The following MAGI1 variants were observed in gnomAD, a reference collection of about 807,000 sequenced individuals.
MAGI1 encodes membrane associated guanylate kinase, WW and PDZ domain containing 1, also known as membrane-associated guanylate kinase, WW and PDZ domain-containing protein 1.
In MAGI1, 58 loss-of-function variants were observed where a neutral mutation model predicts 139.9. That is an observed-to-expected ratio of 0.41 (90% CI 0.34 to 0.52). The LOEUF is 0.52. MAGI1 is among the 20% of genes least tolerant of loss of function. The pLI is 0.12. For synonymous variants in MAGI1, 812 were observed against 737.9 expected (o/e 1.10, Z -1.63); for missense variants, 1,874 against 1,901.6 (o/e 0.99, Z 0.27).
chr3:65,721,843 T>TG (rs1352213355), intron 1 of MAGI1, among the ~76,000 whole-genome samples: 1 of 152,008 alleles, frequency 6.6e-6, no homozygotes, highest in African/African-American at 2.4e-5. Context: ...TTTTTTGTTT[T>TG]TTTTTTCAAG....
intron 2 of MAGI1, among the ~76,000 whole-genome samples, chr3:65,569,801 G>C (rs930632096): frequency 2.0e-5 from 3 of 151,742 alleles, no homozygotes; most frequent in Non-Finnish European, 2.9e-5. Flanking sequence ...CTTGAGCCTG[G>C]GACATCAAGG....
intron 1 of MAGI1, among the ~76,000 whole-genome samples, chr3:65,734,302 T>C (rs1231410851): frequency 6.6e-6 from 1 of 151,530 alleles, no homozygotes; most frequent in Non-Finnish European, 1.5e-5. Flanking sequence ...TCTACAAAAA[T>C]TTAAAGACTT....
At chr3:65,993,229 G>T (rs2066271971) in intron 1 of MAGI1, among the ~76,000 whole-genome samples, 1 of 151,976 alleles carries the variant, frequency 6.6e-6, no homozygotes, top group Non-Finnish European at 1.5e-5. Context: ...ATAAATGACA[G>T]ATTACTCATT....
chr3:65,996,746 C>T (rs1172233957), intron 1 of MAGI1, among the ~76,000 whole-genome samples: 1 of 152,244 alleles, frequency 6.6e-6, no homozygotes, highest in Non-Finnish European at 1.5e-5. Flanking sequence ...TGTGCTGGGA[C>T]AGCTGGGACC....
intron 14 of MAGI1, among the ~76,000 whole-genome samples, chr3:65,389,993 C>T (rs1943774514): frequency 6.6e-6 from 1 of 152,212 alleles, no homozygotes; most frequent in African/African-American, 2.4e-5. Flanking sequence ...CTTTCCTCCT[C>T]AGACAAGGAT....
At chr3:65,501,791 T>C (rs1000796484) in intron 2 of MAGI1, among the ~76,000 whole-genome samples, 9 of 152,154 alleles carry the variant, frequency 5.9e-5, no homozygotes, top group Non-Finnish European at 1.2e-4. Flanking sequence ...CAACCAAAAC[T>C]TTATGAAAAC....
At position 65,356,447 on chromosome 3, in the gene MAGI1, TCTGCCGGCATC is replaced by T. The variant is rs756644175; in HGVS notation, c.4309_4319del (p.Asp1437LysfsTer17). ...TCTGCTCCGGGGGATGTCTGGAACT[TCTGCCGGCATC>T]CTGTTTCAGATTCGCCTCTTCCCTT... On this transcript the variant is annotated frameshift_variant, in exon 23 of 23. Transcript: ENST00000402939. LOFTEE classifies it high-confidence loss of function. 1 of 1,611,650 alleles carries T rather than the reference TCTGCCGGCATC, an allele frequency of 6.2e-7. No homozygotes were observed. Among genetic ancestry groups the T allele is most frequent in the South Asian group, 1.1e-5 (1 of 91,034 alleles).
intron 1 of MAGI1, among the ~76,000 whole-genome samples, chr3:65,831,987 T>A (rs904176142): frequency 3.9e-5 from 6 of 152,236 alleles, no homozygotes; most frequent in African/African-American, 1.4e-4. Context: ...ATTGCGCCAA[T>A]AATCTCGAGA....
At chr3:65,768,776 T>A (rs1387074877) in intron 1 of MAGI1, among the ~76,000 whole-genome samples, 1 of 152,224 alleles carries the variant, frequency 6.6e-6, no homozygotes, top group Non-Finnish European at 1.5e-5. Flanking sequence ...TTAATATCTC[T>A]GCTTTAGAAA....
At chr3:65,900,898 G>A (rs998166462) in intron 1 of MAGI1, among the ~76,000 whole-genome samples, 1 of 152,186 alleles carries the variant, frequency 6.6e-6, no homozygotes, top group Non-Finnish European at 1.5e-5. Flanking sequence ...AGAAGTATAT[G>A]CTAGGAGTGT....
chr3:65,443,135 A>G (rs543161668), intron 7 of MAGI1, among the ~76,000 whole-genome samples: 122 of 152,308 alleles, frequency 8.0e-4, no homozygotes, highest in Non-Finnish European at 1.5e-3. Context: ...TAGTGAAAAT[A>G]TAGGTTAAAC....
At chr3:65,423,671 T>C (rs1421927832) in intron 12 of MAGI1, among the ~76,000 whole-genome samples, 4 of 152,210 alleles carry the variant, frequency 2.6e-5, no homozygotes, top group African/African-American at 9.6e-5. Context: ...CCAGTCTTCC[T>C]AGGTTCCAAT....
At chr3:65,411,161 T>C (rs1171050016) in intron 12 of MAGI1, among the ~76,000 whole-genome samples, 1 of 152,184 alleles carries the variant, frequency 6.6e-6, no homozygotes, top group Non-Finnish European at 1.5e-5. Flanking sequence ...TAGTTTCTCA[T>C]ATGGTTCTAG....
chr3:65,982,422 G>A (rs1447948501), intron 1 of MAGI1, among the ~76,000 whole-genome samples: 3 of 152,176 alleles, frequency 2.0e-5, no homozygotes, highest in African/African-American at 7.2e-5. Context: ...TCTCACCAGG[G>A]AAATGCTTCA....
intron 2 of MAGI1, among the ~76,000 whole-genome samples, chr3:65,496,460 T>G (rs959775258): frequency 1.3e-5 from 2 of 152,094 alleles, no homozygotes; most frequent in African/African-American, 4.8e-5. Context: ...AGTGTCCAGG[T>G]GAATGGTAAT....
At chr3:65,612,772 C>T (rs2083188733) in intron 2 of MAGI1, among the ~76,000 whole-genome samples, 1 of 152,124 alleles carries the variant, frequency 6.6e-6, no homozygotes, top group Non-Finnish European at 1.5e-5. Flanking sequence ...ATTTCTCATT[C>T]TCTTGACTCA....
At chr3:65,821,300 C>T (rs1392489755) in intron 1 of MAGI1, among the ~76,000 whole-genome samples, 4 of 152,114 alleles carry the variant, frequency 2.6e-5, no homozygotes, top group African/African-American at 7.2e-5. Context: ...CATTCCCCTG[C>T]CCTGTTTCAG....
Position 65,391,221 on chromosome 3 carries a change from A to T in MAGI1, c.2337T>A (p.Asp779Glu). Reference sequence around the variant, plus strand: ...TTTTCTGGCCAGAGCTGTCAGTTTGATCTGGAGCTTGGGCCTCTGCAGGTG... The same window carrying T: ...TTTTCTGGCCAGAGCTGTCAGTTTGTTCTGGAGCTTGGGCCTCTGCAGGTG... ...EFPPAEAQAP[D>E]QTDSSGQKKP... Residue 779 changes from aspartate to glutamate, a missense_variant, in exon 14 of 23, where the codon GAT becomes GAA. Coordinates refer to ENST00000402939, the MANE Select transcript of MAGI1 (RefSeq NM_001033057.2). The T allele has an allele frequency of 1.2e-6, 2 of 1,614,030 alleles. No homozygotes were observed. The highest frequency in any genetic ancestry group is 2.2e-5 in the South Asian group (2 of 91,076).
chr3:65,470,512 A>G, intron 4 of MAGI1, 28 bp from the exon 5 acceptor site: 1 of 1,407,058 alleles, frequency 7.1e-7, no homozygotes, highest in Non-Finnish European at 9.7e-7. Context: ...GAGGTGAGAG[A>G]GAGAGAGAGA....
Sources: allele counts gnomAD v4.1 joint callset (sites outside exome capture counted in the v4.1 genomes callset), GRCh38; gene constraint gnomAD v4.1.1; transcripts MANE v1.5; gene names NCBI Gene and HGNC (gene_info 2026-07-23, HGNC 2026-07-21).